The following SAMD12 variants were observed in gnomAD, a reference collection of about 807,000 sequenced individuals.
SAMD12 encodes the protein sterile alpha motif domain-containing protein 12.
In SAMD12, 9 loss-of-function variants were observed where a neutral mutation model predicts 15.0. The observed-to-expected ratio is 0.60, with a 90% CI of 0.36 to 1.05. The LOEUF (loss-of-function observed/expected upper bound fraction) is 1.05. Ranked by LOEUF, SAMD12 falls within the 50% of genes least tolerant of loss-of-function variation. The pLI, the probability that SAMD12 is intolerant of heterozygous loss-of-function variation, is 0.01. For missense variants in SAMD12, 230 were observed against 234.2 expected (o/e 0.98, Z 0.12); for synonymous variants, 86 against 90.1 (o/e 0.96, Z 0.25).
chr8:118,464,636 C>T (rs974939035), intron 2 of SAMD12, among the ~76,000 whole-genome samples: 3 of 152,128 alleles, frequency 2.0e-5, no homozygotes, highest in African/African-American at 7.2e-5. Flanking sequence ...ACAGAAAAAA[C>T]TCTATTTGTT....
chr8:118,465,303 A>T (rs1823560936), intron 2 of SAMD12, among the ~76,000 whole-genome samples: 1 of 152,176 alleles, frequency 6.6e-6, no homozygotes, highest in Middle Eastern at 3.2e-3. Flanking sequence ...TGTCTTCCTA[A>T]TACGATTACT....
intron 2 of SAMD12, among the ~76,000 whole-genome samples, chr8:118,575,430 A>G (rs1221879233): frequency 2.6e-5 from 4 of 152,222 alleles, no homozygotes; most frequent in Admixed American, 2.0e-4. Flanking sequence ...TTCTCAGTGT[A>G]ACAGACCATA....
intron 2 of SAMD12, among the ~76,000 whole-genome samples, chr8:118,554,303 A>G (rs1316108614): frequency 6.6e-6 from 1 of 152,138 alleles, no homozygotes; most frequent in Non-Finnish European, 1.5e-5. Context: ...ACAATGATAG[A>G]ATGGATTAAG....
intron 2 of SAMD12, among the ~76,000 whole-genome samples, chr8:118,535,402 C>T (rs978877455): frequency 5.3e-5 from 8 of 152,202 alleles, no homozygotes; most frequent in Non-Finnish European, 7.3e-5. Context: ...GTCAGGGACC[C>T]ACTTGAGGAC....
At chr8:118,141,397 G>T in the SAMD12 span, among the ~76,000 whole-genome samples, 1 of 152,204 alleles carries the variant, frequency 6.6e-6, no homozygotes, top group Non-Finnish European at 1.5e-5. Flanking sequence ...AGTTTGTGAG[G>T]ATGATATGTG....
intron 2 of SAMD12, among the ~76,000 whole-genome samples, chr8:118,482,511 C>T (rs115885000): frequency 0.01 from 1,539 of 152,110 alleles, 32 homozygotes; most frequent in African/African-American, 0.035. Flanking sequence ...AGACTTTTCC[C>T]CCTTATTGTT....
At chr8:118,152,746 C>G in the SAMD12 span, among the ~76,000 whole-genome samples, 1 of 152,078 alleles carries the variant, frequency 6.6e-6, no homozygotes, top group Non-Finnish European at 1.5e-5. Flanking sequence ...CAGTTCACCC[C>G]CCTCGGCCTC....
chr8:118,271,251 G>C (rs1442450923), intron 4 of SAMD12, among the ~76,000 whole-genome samples: 1 of 152,092 alleles, frequency 6.6e-6, no homozygotes, highest in Non-Finnish European at 1.5e-5. Flanking sequence ...ATGGTAGCAG[G>C]AGAGAGAAGT....
intron 4 of SAMD12, among the ~76,000 whole-genome samples, chr8:118,277,624 A>G (rs890990028): frequency 6.6e-6 from 1 of 151,978 alleles, no homozygotes; most frequent in Non-Finnish European, 1.5e-5. Context: ...CTCAAATGAT[A>G]TTATTTAGGA....
chr8:118,409,432 A>G (rs1331571232), intron 3 of SAMD12, among the ~76,000 whole-genome samples: 2 of 137,632 alleles, frequency 1.5e-5, no homozygotes, highest in Non-Finnish European at 3.0e-5. Flanking sequence ...AATGTCCCCT[A>G]TGTCAACTGC....
intron 2 of SAMD12, among the ~76,000 whole-genome samples, chr8:118,514,894 C>T (rs1246391236): frequency 6.6e-6 from 1 of 152,140 alleles, no homozygotes; most frequent in African/African-American, 2.4e-5. Flanking sequence ...ATTGTAATTC[C>T]CAATGTTGGA....
At chr8:118,501,719 T>TA (rs1414028755) in intron 2 of SAMD12, among the ~76,000 whole-genome samples, 2 of 152,296 alleles carry the variant, frequency 1.3e-5, no homozygotes, top group Admixed American at 1.3e-4. Flanking sequence ...GAGATCCTGT[T>TA]AAAATGCAGA....
At chr8:118,434,497 G>A (rs58107670) in intron 3 of SAMD12, among the ~76,000 whole-genome samples, 14,321 of 152,184 alleles carry the variant, frequency 0.094, 1,707 homozygotes, top group African/African-American at 0.28. Context: ...GCAGGGGAAG[G>A]AACCCTTCAC....
chr8:118,370,947 A>AT (rs77224578), intron 4 of SAMD12, among the ~76,000 whole-genome samples: 51,123 of 142,972 alleles, frequency 0.36, 8,765 homozygotes, highest in East Asian at 0.41. Flanking sequence ...CTTAAATAAA[A>AT]TTTTTTTTAA....
intron 2 of SAMD12, among the ~76,000 whole-genome samples, chr8:118,558,540 A>C (rs1322751735): frequency 1.3e-5 from 2 of 152,026 alleles, no homozygotes; most frequent in Admixed American, 1.3e-4. Flanking sequence ...CACTGAGCTA[A>C]GACTTTTGTT....
rs68126546 is a variant in SAMD12 at position 118,620,399 on chromosome 8, CAAAAAAAAAA to C, written c.13+1395_13+1404del. Among the ~76,000 whole-genome samples the C allele has an allele frequency of 1.1e-3, 76 of 66,404 alleles. 1 individual carries two copies. Among genetic ancestry groups the C allele is most frequent in the South Asian group, 8.9e-3 (10 of 1,126 alleles). 43.6% of individuals were successfully genotyped at this position (66,404 alleles called of 152,430 possible). ...GTCTTGACTATCAAGCATAACGATG[CAAAAAAAAAA>C]AAAAAAAAAAAAAAAAGATTCTCAC... On this transcript the variant is annotated intron_variant, in intron 1 of 3. Transcript: ENST00000314727.
chr8:118,156,156 A>C, the SAMD12 span, among the ~76,000 whole-genome samples: 1 of 152,214 alleles, frequency 6.6e-6, no homozygotes, highest in Non-Finnish European at 1.5e-5. Flanking sequence ...CTATTATTCC[A>C]GCTTAAGCAG....
chr8:118,175,081 A>G, the SAMD12 span, among the ~76,000 whole-genome samples: 1 of 152,054 alleles, frequency 6.6e-6, no homozygotes. Flanking sequence ...GAGGCATCAT[A>G]TTACCTGACT....
chr8:118,272,758 T>A (rs992584412), intron 4 of SAMD12, among the ~76,000 whole-genome samples: 1 of 152,208 alleles, frequency 6.6e-6, no homozygotes, highest in Admixed American at 6.5e-5. Flanking sequence ...CTCCTGTTCC[T>A]AACAAGTTCC....
Sources: allele counts gnomAD v4.1 joint callset (sites outside exome capture counted in the v4.1 genomes callset), GRCh38; gene constraint gnomAD v4.1.1; transcripts MANE v1.5; gene names NCBI Gene and HGNC (gene_info 2026-07-23, HGNC 2026-07-21).